The following CDH18 variants were observed in gnomAD, a reference collection of about 807,000 sequenced individuals.
The protein encoded by CDH18 is cadherin-18.
Under a neutral mutation model 67.9 loss-of-function variants are expected in CDH18, and 31 were observed. The observed-to-expected ratio is 0.46, with a 90% confidence interval of 0.34 to 0.62. The LOEUF (loss-of-function observed/expected upper bound fraction) is 0.62. Among genes scored for constraint, CDH18 ranks in the 20% least tolerant of loss-of-function variants. The pLI is 0.01. For missense variants in CDH18, 890 were observed against 975.5 expected (o/e 0.91, Z 1.17); for synonymous variants, 362 against 347.2 (o/e 1.04, Z -0.48).
intron 2 of CDH18, among the ~76,000 whole-genome samples, chr5:19,897,437 C>G (rs1003123313): frequency 2.6e-5 from 4 of 152,112 alleles, no homozygotes; most frequent in Admixed American, 1.3e-4. Context: ...ATACATTAGT[C>G]AGGTTGTGGA....
rs6895330 is a variant in CDH18 at position 20,096,424 on chromosome 5, G to C, written c.-517-104410C>G. On this transcript the variant is annotated intron_variant, in intron 2 of 14. Coordinates refer to the CDH18 transcript ENST00000507958. ...GGACTACTTTGACCAAGGAAAAATT[G>C]TATCAGCAGAAAATAGAGATATGCA... Among the ~76,000 whole-genome samples, 1,202 of 152,088 alleles carry C rather than the reference G, an allele frequency of 7.9e-3. 18 individuals are homozygous for C. Among genetic ancestry groups the C allele is most frequent in the African/African-American group, 0.027 (1,141 of 41,492 alleles).
chr5:20,113,848 G>A (rs1215075863), intron 2 of CDH18, among the ~76,000 whole-genome samples: 1 of 152,118 alleles, frequency 6.6e-6, no homozygotes, highest in Admixed American at 6.5e-5. Flanking sequence ...TGAGTGAGAT[G>A]GTGCTGGAGG....
chr5:19,874,445 T>C (rs996198495), intron 2 of CDH18, among the ~76,000 whole-genome samples: 1 of 152,230 alleles, frequency 6.6e-6, no homozygotes, highest in African/African-American at 2.4e-5. Flanking sequence ...TATGTTTCTA[T>C]AGTAACCATC....
intron 2 of CDH18, among the ~76,000 whole-genome samples, chr5:20,012,347 A>G: frequency 7.6e-6 from 1 of 131,858 alleles, no homozygotes; most frequent in African/African-American, 2.8e-5. Flanking sequence ...TTTAGCTAGC[A>G]GTCTAGCTAT....
At chr5:20,314,941 T>C (rs1450334884) in intron 1 of CDH18, among the ~76,000 whole-genome samples, 1 of 152,114 alleles carries the variant, frequency 6.6e-6, no homozygotes, top group Non-Finnish European at 1.5e-5. Context: ...CAATCAAATG[T>C]GAAGTATAGA....
At chr5:20,133,413 A>C (rs1465966695) in intron 2 of CDH18, among the ~76,000 whole-genome samples, 1 of 152,134 alleles carries the variant, frequency 6.6e-6, no homozygotes, top group Non-Finnish European at 1.5e-5. Context: ...CGAGAACACC[A>C]TGGGAAAAAA....
intron 5 of CDH18, among the ~76,000 whole-genome samples, chr5:19,651,927 A>C (rs1177457844): frequency 6.6e-6 from 1 of 152,062 alleles, no homozygotes; most frequent in Non-Finnish European, 1.5e-5. Flanking sequence ...AATAAAAGAA[A>C]AATATACCAT....
chr5:20,451,890 C>T lies in CDH18; in HGVS notation c.-580+123572G>A, dbSNP rs1489731761. On this transcript the variant is annotated intron_variant, in intron 1 of 14. Coordinates refer to the CDH18 transcript ENST00000507958. The stretch of plus-strand genomic sequence containing the variant: ...ACTAATGTTTTATAACACAAAGTAA[C>T]TTATAGCCATGGCATCTATATGAAC... 5.3e-5 allele frequency among the ~76,000 whole-genome samples: 8 copies of T among 152,232 alleles called. No homozygotes were observed. In the South Asian group the frequency reaches 1.0e-3, roughly 20 times the overall value.
intron 3 of CDH18, among the ~76,000 whole-genome samples, chr5:19,832,204 C>T (rs187429375): frequency 1.3e-4 from 20 of 152,116 alleles, no homozygotes; most frequent in Admixed American, 1.2e-3. Context: ...ACCTCAGCAT[C>T]GCACAATATA....
intron 10 of CDH18, among the ~76,000 whole-genome samples, chr5:19,507,468 C>T (rs1295133481): frequency 7.2e-5 from 11 of 152,108 alleles, no homozygotes; most frequent in South Asian, 4.2e-4. Context: ...ATGTTTATTG[C>T]GGCACTATTC....
intron 1 of CDH18, among the ~76,000 whole-genome samples, chr5:20,260,176 T>C (rs1308265461): frequency 6.6e-6 from 1 of 151,512 alleles, no homozygotes; most frequent in Non-Finnish European, 1.5e-5. Flanking sequence ...TGTAAGGTAC[T>C]AGTTATTGCT....
chr5:20,188,478 T>C (rs1356583919), intron 2 of CDH18, among the ~76,000 whole-genome samples: 1 of 151,994 alleles, frequency 6.6e-6, no homozygotes, highest in South Asian at 2.1e-4. Context: ...TTATAATTGT[T>C]GTCATCATCA....
At chr5:20,014,739 G>C (rs1390784535) in intron 2 of CDH18, among the ~76,000 whole-genome samples, 3 of 152,120 alleles carry the variant, frequency 2.0e-5, no homozygotes, top group Non-Finnish European at 2.9e-5. Flanking sequence ...CAGAAAGTTG[G>C]AGCCTCCGTC....
chr5:19,878,518 G>C (rs1787289214), intron 2 of CDH18, among the ~76,000 whole-genome samples: 1 of 152,018 alleles, frequency 6.6e-6, no homozygotes, highest in African/African-American at 2.4e-5. Flanking sequence ...TATTTCTGTG[G>C]CTGATGGAAA....
chr5:20,519,104 A>C (rs1349020707), intron 1 of CDH18, among the ~76,000 whole-genome samples: 1 of 152,192 alleles, frequency 6.6e-6, no homozygotes, highest in Non-Finnish European at 1.5e-5. Context: ...GATGATTGAA[A>C]AATTTCTGTC....
intron 1 of CDH18, among the ~76,000 whole-genome samples, chr5:20,496,191 T>C (rs1334636553): frequency 2.0e-5 from 3 of 152,066 alleles, no homozygotes; most frequent in Non-Finnish European, 4.4e-5. Context: ...GTGATATTAG[T>C]GAATTTAAAA....
At chr5:19,933,520 A>G (rs912934985) in intron 2 of CDH18, among the ~76,000 whole-genome samples, 2 of 151,458 alleles carry the variant, frequency 1.3e-5, no homozygotes, top group African/African-American at 4.8e-5. Context: ...CTTGAAAGCA[A>G]AACTTTTGGA....
At chr5:20,117,521 G>C (rs1748022908) in intron 2 of CDH18, among the ~76,000 whole-genome samples, 1 of 152,088 alleles carries the variant, frequency 6.6e-6, no homozygotes, top group African/African-American at 2.4e-5. Flanking sequence ...TGAGTACACT[G>C]ATTCTAAATT....
At chr5:20,526,261 T>C (rs939594808) in intron 1 of CDH18, among the ~76,000 whole-genome samples, 1 of 152,088 alleles carries the variant, frequency 6.6e-6, no homozygotes, top group Non-Finnish European at 1.5e-5. Flanking sequence ...AGAACTCTCA[T>C]TTCCCTGGGA....
Sources: allele counts gnomAD v4.1 joint callset (sites outside exome capture counted in the v4.1 genomes callset), GRCh38; gene constraint gnomAD v4.1.1; transcripts MANE v1.5; gene names NCBI Gene and HGNC (gene_info 2026-07-23, HGNC 2026-07-21).